HECW1: variants seen among roughly 807,000 people sequenced by gnomAD.
HECW1 encodes HECT, C2 and WW domain containing E3 ubiquitin protein ligase 1.
HECW1 carries 61 observed loss-of-function variants against 182.3 expected under a neutral mutation model. That is an observed-to-expected ratio of 0.33 (90% CI 0.27 to 0.41). The LOEUF (loss-of-function observed/expected upper bound fraction) is 0.41. Among genes scored for constraint, HECW1 ranks in the 10% least tolerant of loss-of-function variants. HECW1 has a pLI of 1.00. For synonymous variants in HECW1, 859 were observed against 832.6 expected, an observed-to-expected ratio of 1.03 and a Z score of -0.55; for missense variants, 1,739 against 2,108.9, an observed-to-expected ratio of 0.82 and a Z score of 3.44.
intron 17 of HECW1, among the ~76,000 whole-genome samples, chr7:43,491,372 C>G (rs2078928013): frequency 6.6e-6 from 1 of 152,170 alleles, no homozygotes; most frequent in Admixed American, 6.5e-5. Context: ...GAAGCCAGCA[C>G]AGTGAATGCA....
At chr7:43,295,287 C>A (rs1251453123) in intron 3 of HECW1, among the ~76,000 whole-genome samples, 2 of 152,100 alleles carry the variant, frequency 1.3e-5, no homozygotes, top group East Asian at 3.9e-4. Context: ...AGGTATATAG[C>A]TTTTTTATAA....
intron 19 of HECW1, among the ~76,000 whole-genome samples, chr7:43,496,354 C>T (rs1343193847): frequency 6.6e-6 from 1 of 151,734 alleles, no homozygotes; most frequent in East Asian, 1.9e-4. Flanking sequence ...AGGTTGAGAA[C>T]CCAAATATTT....
At chr7:43,155,152 T>C (rs150323740) in intron 2 of HECW1, among the ~76,000 whole-genome samples, 272 of 152,296 alleles carry the variant, frequency 1.8e-3, no homozygotes, top group African/African-American at 6.3e-3. Flanking sequence ...ATAACAAACT[T>C]TGTGCTTTGC....
intron 3 of HECW1, among the ~76,000 whole-genome samples, chr7:43,244,640 G>C (rs1425474086): frequency 6.6e-6 from 1 of 152,156 alleles, no homozygotes; most frequent in Non-Finnish European, 1.5e-5. Context: ...GGTCATGGAG[G>C]GTTGAGTGGC....
rs1304569870 is a variant in HECW1, at chr7:43,247,894, GAGGA to G, written c.27+3975_27+3978del. ...AAAGCAAGCAAGAAAGGGAGGGAGAGAGGAAGGAAGGAAGGAGGGAGGAAGGGAA... is the reference window on the plus strand; with the variant it reads ...AAAGCAAGCAAGAAAGGGAGGGAGAGAGGAAGGAAGGAGGGAGGAAGGGAA... On this transcript the variant is annotated intron_variant, in intron 3 of 29. Transcript: ENST00000395891. Among the ~76,000 whole-genome samples, 1,222 of 129,498 alleles carry G rather than the reference GAGGA, an allele frequency of 9.4e-3. 74 individuals are homozygous for G. Among genetic ancestry groups the G allele is most frequent in the East Asian group, 0.054 (228 of 4,246 alleles). The allele number at this position is 129,498 out of a possible 152,430, so 85.0% of individuals were successfully genotyped here.
At chr7:43,483,698 A>G (rs1017804565) in intron 17 of HECW1, among the ~76,000 whole-genome samples, 3 of 151,682 alleles carry the variant, frequency 2.0e-5, no homozygotes, top group African/African-American at 7.3e-5. Flanking sequence ...ACAGGCGTGC[A>G]CCACCACACC....
intron 2 of HECW1, among the ~76,000 whole-genome samples, chr7:43,133,301 G>A (rs942102075): frequency 5.3e-5 from 8 of 151,568 alleles, no homozygotes; most frequent in African/African-American, 1.7e-4. Flanking sequence ...ATTATACTAT[G>A]TATTTAACAT....
intron 11 of HECW1, among the ~76,000 whole-genome samples, chr7:43,449,318 A>C (rs1286642947): frequency 1.3e-5 from 2 of 152,192 alleles, no homozygotes; most frequent in Non-Finnish European, 2.9e-5. Context: ...GCATGAGGGG[A>C]ACCTTCCTTG....
At chr7:43,323,366 G>A (rs1011860445) in intron 5 of HECW1, among the ~76,000 whole-genome samples, 1 of 152,194 alleles carries the variant, frequency 6.6e-6, no homozygotes, top group Non-Finnish European at 1.5e-5. Flanking sequence ...GGCCAGGGCA[G>A]GCAGATTGCT....
At chr7:43,216,579 A>G (rs1276394861) in intron 2 of HECW1, among the ~76,000 whole-genome samples, 1 of 152,030 alleles carries the variant, frequency 6.6e-6, no homozygotes, top group Middle Eastern at 3.2e-3. Context: ...ACTGCTCCCC[A>G]GATGCCGTGT....
intron 2 of HECW1, chr7:43,239,164 T>C (rs1050221151): frequency 6.6e-6 from 1 of 152,192 alleles, no homozygotes; most frequent in African/African-American, 2.4e-5. Flanking sequence ...CTGATGAATA[T>C]TTGCTGTGAC....
intron 24 of HECW1, 59 bp downstream of exon 24, chr7:43,509,180 AT>A (rs1370850080): frequency 1.3e-6 from 2 of 1,555,294 alleles, no homozygotes; most frequent in Non-Finnish European, 1.8e-6. Flanking sequence ...CTTAGTCAGA[AT>A]TCAGCAGCAT....
chr7:43,356,625 A>G (rs889488794), intron 5 of HECW1, among the ~76,000 whole-genome samples: 2 of 152,228 alleles, frequency 1.3e-5, no homozygotes, highest in African/African-American at 4.8e-5. Context: ...ATTCTTCAGA[A>G]TAGACCATGT....
intron 3 of HECW1, chr7:43,248,570 T>A (rs1039603815): frequency 6.6e-6 from 1 of 152,350 alleles, no homozygotes; most frequent in African/African-American, 2.4e-5. Flanking sequence ...CTTCTAACTC[T>A]GCAGTTTGTC....
rs1307936779 is a variant in HECW1, at chr7:43,516,333, A to G, written c.4019+7212A>G. 5.3e-5 allele frequency among the ~76,000 whole-genome samples: 8 copies of G among 152,220 alleles called. No individual in the cohort carries two copies. The East Asian group carries it at 7.7e-4, about 15-fold the overall frequency. On this transcript the variant is annotated intron_variant, in intron 24 of 29. Transcript: ENST00000395891. ...GTTGAGTGGAAGGATGGATGGACGG[A>G]TGGAATACTTCTCAGGTAAAACTTC...
intron 26 of HECW1, among the ~76,000 whole-genome samples, chr7:43,542,808 T>C (rs997734967): frequency 2.0e-5 from 3 of 152,232 alleles, no homozygotes; most frequent in Admixed American, 1.3e-4. Flanking sequence ...GGGAACTACT[T>C]CCTTTAATAA....
intron 2 of HECW1, among the ~76,000 whole-genome samples, chr7:43,192,978 T>A (rs1562655445): frequency 6.6e-6 from 1 of 152,208 alleles, no homozygotes; most frequent in Non-Finnish European, 1.5e-5. Flanking sequence ...CTGGCTGTTT[T>A]TATGGCTATT....
At chr7:43,551,996 A>G (rs1019556231) in intron 27 of HECW1, among the ~76,000 whole-genome samples, 1 of 152,156 alleles carries the variant, frequency 6.6e-6, no homozygotes, top group Non-Finnish European at 1.5e-5. Context: ...CCACCTCCTA[A>G]TACGATCCCC....
At chr7:43,382,238 A>G (rs1429396318) in intron 6 of HECW1, among the ~76,000 whole-genome samples, 1 of 152,076 alleles carries the variant, frequency 6.6e-6, no homozygotes, top group East Asian at 1.9e-4. Flanking sequence ...GTGAGCCGAG[A>G]TCGCGCCACT....
Sources: gnomAD v4.1 joint callset for allele counts (sites outside exome capture counted in the v4.1 genomes callset) on GRCh38, gnomAD v4.1.1 for gene constraint, MANE v1.5 for transcripts, NCBI Gene and HGNC (gene_info 2026-07-23, HGNC 2026-07-21) for gene names.